Variants in KIRREL3 observed in about 807,000 individuals in gnomAD.
KIRREL3 encodes kirre like nephrin family adhesion molecule 3, also known as kin of IRRE-like protein 3.
A neutral mutation model predicts 89.7 loss-of-function variants in KIRREL3; 36 were observed. That is an observed-to-expected ratio of 0.40 (90% CI 0.31 to 0.53). KIRREL3 has a LOEUF of 0.53. Ranked by LOEUF, KIRREL3 falls within the 20% of genes least tolerant of loss-of-function variation. The pLI is 0.49. For synonymous variants in KIRREL3, 445 were observed against 441.4 expected, an observed-to-expected ratio of 1.01 and a Z score of -0.10; for missense variants, 864 against 1,056.6, an observed-to-expected ratio of 0.82 and a Z score of 2.53.
Position 126,612,451 on chromosome 11 carries a change from G to A in KIRREL3, c.56-49539C>T, listed in dbSNP as rs981051292. Among the ~76,000 whole-genome samples, 1 of 152,110 alleles carries A rather than the reference G, an allele frequency of 6.6e-6. No individual in the cohort carries two copies. Among genetic ancestry groups the A allele is most frequent in the African/African-American group, 2.4e-5 (1 of 41,430 alleles). On this transcript the variant is annotated intron_variant, in intron 1 of 16. Coordinates refer to ENST00000525144, the MANE Select transcript of KIRREL3 (RefSeq NM_032531.4). This position sits in a 1 kb window ranked among gnomAD's most constrained non-coding sequence, Gnocchi z 4.5. ...CTATCACCTGGCTCTGCTACTAACT[G>A]TCTCATGAACTTGGAAGCTTTAGGG...
chr11:126,644,046 C>T (rs1043465545), intron 1 of KIRREL3, among the ~76,000 whole-genome samples: 6 of 152,256 alleles, frequency 3.9e-5, no homozygotes, highest in African/African-American at 1.4e-4. Flanking sequence ...TCCAGGCCAT[C>T]GTCCAGAACT....
rs1388656180 is a variant in KIRREL3 at position 126,903,995 on chromosome 11, G to GTAGA, written c.55+96456_55+96459dup. ...TGACCCTATAATAGCTATCCCCTTG[G>GTAGA]TAGATAGCACATCTCAACTCTGGCC... On this transcript the variant is annotated intron_variant, in intron 1 of 16. Coordinates refer to ENST00000525144, the MANE Select transcript of KIRREL3 (RefSeq NM_032531.4). The surrounding 1 kb of genome is among the most constrained non-coding windows in gnomAD (Gnocchi z 4.5). Among the ~76,000 whole-genome samples, 2 of 152,042 alleles carry GTAGA rather than the reference G, an allele frequency of 1.3e-5. No individual in the cohort carries two copies. Among genetic ancestry groups the GTAGA allele is most frequent in the African/African-American group, 4.8e-5 (2 of 41,386 alleles).
intron 1 of KIRREL3, among the ~76,000 whole-genome samples, chr11:126,820,540 G>T (rs2134451571): frequency 6.6e-6 from 1 of 152,264 alleles, no homozygotes; most frequent in East Asian, 1.9e-4. Context: ...CACACGATAA[G>T]AGGTAAAAAA....
rs965036534 is a variant in KIRREL3, at chr11:126,719,588, T to C, written c.56-156676A>G. On this transcript the variant is annotated intron_variant, in intron 1 of 16. Transcript: ENST00000525144. The surrounding 1 kb of genome is among the most constrained non-coding windows in gnomAD (Gnocchi z 4.7). ...AAAATGTAACTCATCCACAGCCAAC[T>C]CCTGCCTTCACCACACAGCCCCTCC... Among the ~76,000 whole-genome samples the C allele has an allele frequency of 6.6e-6, 1 of 152,124 alleles. No homozygotes were observed. The highest frequency in any genetic ancestry group is 2.4e-5 in the African/African-American group (1 of 41,426).
At chr11:127,001,800 T>C (rs748022518), upstream of KIRREL3, among the ~76,000 whole-genome samples, 3 of 151,696 alleles carry the variant, frequency 2.0e-5, no homozygotes, top group Non-Finnish European at 2.9e-5. Context: ...CAGAAGCTCA[T>C]AATCTAGTGT....
rs555063440 is a variant in KIRREL3 at position 126,908,792 on chromosome 11, C to A, written c.55+91663G>T. ...GATAAATGTCGAACAAAGACTCAGGCAAATATATGCAGTCATCCCTCGTTA... is the reference window on the plus strand; with the variant it reads ...GATAAATGTCGAACAAAGACTCAGGAAAATATATGCAGTCATCCCTCGTTA... On this transcript the variant is annotated intron_variant, in intron 1 of 16. Coordinates refer to ENST00000525144, the MANE Select transcript of KIRREL3 (RefSeq NM_032531.4). This position sits in a 1 kb window ranked among gnomAD's most constrained non-coding sequence, Gnocchi z 4.2. Among the ~76,000 whole-genome samples the A allele has an allele frequency of 7.9e-5, 12 of 152,084 alleles. No individual in the cohort carries two copies. Among genetic ancestry groups the A allele is most frequent in the Non-Finnish European group, 1.6e-4 (11 of 68,030 alleles).
intron 2 of KIRREL3, among the ~76,000 whole-genome samples, chr11:126,533,885 C>T (rs986917587): frequency 9.2e-5 from 14 of 152,172 alleles, no homozygotes; most frequent in African/African-American, 2.4e-4. Flanking sequence ...CAGGGGAAAC[C>T]GACCTTCTTC....
chr11:126,821,347 A>ATATATG (rs1565326527), intron 1 of KIRREL3, among the ~76,000 whole-genome samples: 11 of 115,894 alleles, frequency 9.5e-5, no homozygotes, highest in African/African-American at 3.8e-4. Context: ...ATATATATAT[A>ATATATG]TATATGTAAC....
At position 126,742,652 on chromosome 11, in the gene KIRREL3, C is replaced by T. The variant is rs1439813909; in HGVS notation, c.56-179740G>A. Among the ~76,000 whole-genome samples the T allele has an allele frequency of 6.6e-6, 1 of 152,140 alleles. No individual in the cohort carries two copies. The highest frequency in any genetic ancestry group is 1.5e-5 in the Non-Finnish European group (1 of 68,028). On this transcript the variant is annotated intron_variant, in intron 1 of 16. Coordinates refer to ENST00000525144, the MANE Select transcript of KIRREL3 (RefSeq NM_032531.4). The surrounding 1 kb of genome is among the most constrained non-coding windows in gnomAD (Gnocchi z 5.3). Reference sequence around the variant, plus strand: ...GTACATGGTTGAACTGGGACATCAGCCTAGGTATGTCTAACTCCGAATTTT... The same window carrying T: ...GTACATGGTTGAACTGGGACATCAGTCTAGGTATGTCTAACTCCGAATTTT...
In KIRREL3 at chr11:126,763,544, C is replaced by G. The variant is rs1949727706; in HGVS notation, c.56-200632G>C. Among the ~76,000 whole-genome samples, 1 of 152,190 alleles carries G rather than the reference C, an allele frequency of 6.6e-6. No individual in the cohort carries two copies. Among genetic ancestry groups the G allele is most frequent in the African/African-American group, 2.4e-5 (1 of 41,438 alleles). On this transcript the variant is annotated intron_variant, in intron 1 of 16. Coordinates refer to ENST00000525144, the MANE Select transcript of KIRREL3 (RefSeq NM_032531.4). This position sits in a 1 kb window ranked among gnomAD's most constrained non-coding sequence, Gnocchi z 4.7. ...CACATGACACCCGAACACACAGAAT[C>G]TGTGGGAACAAGTTACCCAAGAAAT...
chr11:126,673,988 T>C (rs1946074148), intron 1 of KIRREL3, among the ~76,000 whole-genome samples: 1 of 152,232 alleles, frequency 6.6e-6, no homozygotes, highest in Admixed American at 6.5e-5. Flanking sequence ...TGCTGTTAAC[T>C]GTGTAATATG....
intron 1 of KIRREL3, among the ~76,000 whole-genome samples, chr11:126,998,318 C>T (rs933880917): frequency 6.6e-6 from 1 of 152,182 alleles, no homozygotes; most frequent in Non-Finnish European, 1.5e-5. Flanking sequence ...TGGCTGGACC[C>T]CTTGATTCCC....
At chr11:126,902,570 G>C (rs1162078983) in intron 1 of KIRREL3, among the ~76,000 whole-genome samples, 1 of 152,212 alleles carries the variant, frequency 6.6e-6, no homozygotes. Flanking sequence ...ACAAACATTT[G>C]TTTGGTTCTT....
Position 126,446,300 on chromosome 11 carries a change from T to TTCTC in KIRREL3, c.1125+455_1125+458dup, listed in dbSNP as rs1252243152. Among the ~76,000 whole-genome samples the TTCTC allele has an allele frequency of 6.4e-4, 95 of 148,778 alleles. 1 individual carries two copies. Among genetic ancestry groups the TTCTC allele is most frequent in the African/African-American group, 2.1e-3 (82 of 39,924 alleles). ...TTTTCTTTCTCCTTTCTTTCTTTCT[T>TTCTC]TCTCTCTCTCTCTTCCTTTCTTCCT... is the stretch of plus-strand genomic sequence containing the variant. On this transcript the variant is annotated intron_variant, in intron 9 of 16. Coordinates refer to ENST00000525144, the MANE Select transcript of KIRREL3 (RefSeq NM_032531.4).
rs1944972955 is a variant in KIRREL3, at chr11:126,653,136, T to C, written c.56-90224A>G. Among the ~76,000 whole-genome samples the C allele has an allele frequency of 6.6e-6, 1 of 152,160 alleles. No homozygotes were observed. ...CTTGTGAGGAATATATGTACACAAC[T>C]GAAAAGTTAAGTAAACAAGAGAATG... is the stretch of plus-strand genomic sequence containing the variant. On this transcript the variant is annotated intron_variant, in intron 1 of 16. Transcript: ENST00000525144. The surrounding 1 kb of genome is among the most constrained non-coding windows in gnomAD (Gnocchi z 5.4).
chr11:126,963,759 T>C (rs1225683791), intron 1 of KIRREL3, among the ~76,000 whole-genome samples: 2 of 152,202 alleles, frequency 1.3e-5, no homozygotes, highest in Non-Finnish European at 2.9e-5. Flanking sequence ...GCAACTTCCC[T>C]GACTACTCCC....
rs1469991104 is a variant in KIRREL3, at chr11:126,430,800, G to C, written c.1696+619C>G. 3 of 191,642 alleles carry C rather than the reference G, an allele frequency of 1.6e-5. No homozygotes were observed. The highest frequency in any genetic ancestry group is 7.1e-5 in the African/African-American group (3 of 42,216). The allele number at this position is 191,642 out of a possible 1,614,324, so 11.9% of individuals were successfully genotyped here. ...TGGCCCAGGGTCATGTGGCAGAAGA[G>C]GTGGGACTGGAACACTGTGTCTCCA... On this transcript the variant is annotated intron_variant, in intron 14 of 16. Coordinates refer to ENST00000525144, the MANE Select transcript of KIRREL3 (RefSeq NM_032531.4). This position sits in a 1 kb window ranked among gnomAD's most constrained non-coding sequence, Gnocchi z 6.6.
At chr11:126,488,340 C>T (rs1957421466) in intron 4 of KIRREL3, among the ~76,000 whole-genome samples, 1 of 152,236 alleles carries the variant, frequency 6.6e-6, no homozygotes, top group African/African-American at 2.4e-5. Context: ...AATGATCCCA[C>T]AGGGTGACCC....
At position 126,564,850 on chromosome 11, in the gene KIRREL3, G is replaced by A. The variant is rs1940399838; in HGVS notation, c.56-1938C>T. On this transcript the variant is annotated intron_variant, in intron 1 of 16. Coordinates refer to ENST00000525144, the MANE Select transcript of KIRREL3 (RefSeq NM_032531.4). This position sits in a 1 kb window ranked among gnomAD's most constrained non-coding sequence, Gnocchi z 7.4. ...TCCCTGGAACAATAGCCTCTCGAGGGAGACTGTATTGAAACCTCAACACGC... is the reference window on the plus strand; with the variant it reads ...TCCCTGGAACAATAGCCTCTCGAGGAAGACTGTATTGAAACCTCAACACGC... Among the ~76,000 whole-genome samples, 1 of 152,216 alleles carries A rather than the reference G, an allele frequency of 6.6e-6. No individual in the cohort carries two copies. Among genetic ancestry groups the A allele is most frequent in the Non-Finnish European group, 1.5e-5 (1 of 68,044 alleles).
Sources: gnomAD v4.1 joint callset for allele counts (sites outside exome capture counted in the v4.1 genomes callset) on GRCh38, gnomAD v4.1.1 for gene constraint, Gnocchi (gnomAD v3.1) non-coding constraint, MANE v1.5 for transcripts, NCBI Gene and HGNC (gene_info 2026-07-23, HGNC 2026-07-21) for gene names.